TBC1D5: variants seen among roughly 807,000 people sequenced by gnomAD.
The protein encoded by TBC1D5 is TBC1 domain family, member 5.
A neutral mutation model predicts 100.3 loss-of-function variants in TBC1D5; 75 were observed. The observed-to-expected ratio is 0.75, with a 90% CI of 0.62 to 0.91. The LOEUF (loss-of-function observed/expected upper bound fraction) is 0.91. Ranked by LOEUF, TBC1D5 falls within the 40% of genes least tolerant of loss-of-function variation. The probability of loss-of-function intolerance (pLI) is 0.00; values close to 1 mark genes in which losing one functional copy is unlikely to be tolerated. For missense variants in TBC1D5, 910 were observed against 942.4 expected (o/e 0.97, Z 0.45); for synonymous variants, 323 against 325.6 (o/e 0.99, Z 0.09).
At chr3:17,435,676 A>G (rs2149460557) in intron 3 of TBC1D5, among the ~76,000 whole-genome samples, 1 of 152,356 alleles carries the variant, frequency 6.6e-6, no homozygotes, top group African/African-American at 2.4e-5. Context: ...GGGTGGGGCC[A>G]CAGCAAAATC....
chr3:17,670,659 G>A (rs886262262), intron 1 of TBC1D5, among the ~76,000 whole-genome samples: 5 of 152,186 alleles, frequency 3.3e-5, no homozygotes, highest in Non-Finnish European at 7.3e-5. Context: ...AGTTGATGTA[G>A]TTTTTAATTA....
chr3:17,582,790 AAAAACAAAAAC>A (rs1447605145), intron 2 of TBC1D5, among the ~76,000 whole-genome samples: 1 of 151,894 alleles, frequency 6.6e-6, no homozygotes, highest in Non-Finnish European at 1.5e-5. Flanking sequence ...AAAAGCAAAA[AAAAACAAAAAC>A]AAAAACAAAA....
intron 15 of TBC1D5, among the ~76,000 whole-genome samples, chr3:17,258,798 A>G (rs1044517918): frequency 6.6e-6 from 1 of 152,132 alleles, no homozygotes; most frequent in Non-Finnish European, 1.5e-5. Context: ...CCTCTCTCAT[A>G]GTTAATATTT....
intron 1 of TBC1D5, among the ~76,000 whole-genome samples, chr3:17,710,932 C>T (rs753397743): frequency 6.6e-6 from 1 of 152,088 alleles, no homozygotes; most frequent in Non-Finnish European, 1.5e-5. Context: ...CTCCTGACCT[C>T]GTGATCTGCC....
chr3:17,395,832 A>G (rs527702179), intron 8 of TBC1D5, among the ~76,000 whole-genome samples: 79 of 152,326 alleles, frequency 5.2e-4, no homozygotes, highest in Non-Finnish European at 8.5e-4. Context: ...CTCACAAATT[A>G]GAATAAATGT....
At position 17,374,622 on chromosome 3, in the gene TBC1D5, T is replaced by C. The variant is rs1210740634; in HGVS notation, c.752+7A>G. 1.1e-5 allele frequency: 18 copies of C among 1,610,910 alleles called. No individual in the cohort carries two copies. Among genetic ancestry groups the C allele is most frequent in the Non-Finnish European group, 1.4e-5 (17 of 1,179,120 alleles). On this transcript the variant is annotated splice_region_variant and intron_variant, in intron 11 of 21. Transcript: ENST00000253692. ...AAAAATAAAACAAAGAAAGTTTTTG[T>C]ACTTACTAGGCATCATGTTCCAGAT...
rs557436513 is a variant in TBC1D5 at position 17,527,282 on chromosome 3, AG to A, written c.-35-18678del. Reference sequence around the variant, plus strand: ...GAAGTGGTGATATTTGAATAAAGTGAGGGAACAAGCCACATGATAACCTGAA... The same window carrying A: ...GAAGTGGTGATATTTGAATAAAGTGAGGAACAAGCCACATGATAACCTGAA... On this transcript the variant is annotated intron_variant, in intron 2 of 21. Transcript: ENST00000253692. 2.1e-3 allele frequency among the ~76,000 whole-genome samples: 316 copies of A among 152,332 alleles called. 1 individual carries two copies. The highest frequency in any genetic ancestry group is 6.8e-3 in the Middle Eastern group (2 of 294).
intron 1 of TBC1D5, among the ~76,000 whole-genome samples, chr3:17,726,572 C>G (rs1368885289): frequency 3.3e-5 from 5 of 152,106 alleles, no homozygotes; most frequent in Non-Finnish European, 7.4e-5. Context: ...TTGTTTTTTG[C>G]TTGTTCAATT....
At chr3:17,361,070 A>G (rs1036352115) in intron 13 of TBC1D5, among the ~76,000 whole-genome samples, 1 of 152,024 alleles carries the variant, frequency 6.6e-6, no homozygotes. Flanking sequence ...TATCAAGACC[A>G]TATTGGAAAT....
rs565304263 is a variant in TBC1D5 at position 17,439,397 on chromosome 3, T to C, written c.98-10878A>G. On this transcript the variant is annotated intron_variant, in intron 3 of 21. Coordinates refer to ENST00000253692, the Ensembl canonical transcript of TBC1D5. ...CAAACATCTACTTAAAAAGCATAAATGGCATTTTTACTAAGACATTCCAAA... is the reference window on the plus strand; with the variant it reads ...CAAACATCTACTTAAAAAGCATAAACGGCATTTTTACTAAGACATTCCAAA... Among the ~76,000 whole-genome samples, 54 of 152,304 alleles carry C rather than the reference T, an allele frequency of 3.5e-4. 1 individual carries two copies. The highest frequency in any genetic ancestry group is 2.1e-3 in the Admixed American group (32 of 15,300).
chr3:17,700,965 C>G lies in TBC1D5; in HGVS notation c.-101+38378G>C, dbSNP rs573754800. On this transcript the variant is annotated intron_variant, in intron 1 of 21. Coordinates refer to ENST00000253692, the Ensembl canonical transcript of TBC1D5. ...GAACTCGAAATACCATTTGACCCAG[C>G]CATCCCATTACTAGGTATATACCCA... Among the ~76,000 whole-genome samples, 48 of 152,270 alleles carry G rather than the reference C, an allele frequency of 3.2e-4. 1 individual carries two copies. Among genetic ancestry groups the G allele is most frequent in the Admixed American group, 2.7e-3 (41 of 15,282 alleles).
chr3:17,402,451 A>T lies in TBC1D5; in HGVS notation c.509+730T>A, dbSNP rs567880250. Among the ~76,000 whole-genome samples, 10 of 152,290 alleles carry T rather than the reference A, an allele frequency of 6.6e-5. No individual in the cohort carries two copies. The South Asian group carries it at 1.5e-3, about 22-fold the overall frequency. ...GATTTATAGTTTAAAGTATAAACTT[A>T]TCTAATTTACTATTCTGACAGATAT... On this transcript the variant is annotated intron_variant, in intron 8 of 21. Transcript: ENST00000253692.
At chr3:17,467,757 C>T (rs1489704202) in intron 3 of TBC1D5, among the ~76,000 whole-genome samples, 2 of 151,822 alleles carry the variant, frequency 1.3e-5, no homozygotes, top group East Asian at 3.9e-4. Context: ...AATAACCAGG[C>T]ATGGTGGCAT....
At chr3:17,703,193 AG>A (rs1423521714) in intron 1 of TBC1D5, among the ~76,000 whole-genome samples, 1 of 152,142 alleles carries the variant, frequency 6.6e-6, no homozygotes, top group African/African-American at 2.4e-5. Flanking sequence ...ATAAAGAAAA[AG>A]AAAAATATTC....
At chr3:17,502,865 A>G (rs534748884) in intron 3 of TBC1D5, among the ~76,000 whole-genome samples, 1 of 149,708 alleles carries the variant, frequency 6.7e-6, no homozygotes, top group South Asian at 2.1e-4. Context: ...CCCCATATCC[A>G]GTCAAGTAGT....
chr3:17,551,823 T>C (rs1384129349), intron 2 of TBC1D5, among the ~76,000 whole-genome samples: 3 of 152,134 alleles, frequency 2.0e-5, no homozygotes, highest in Non-Finnish European at 4.4e-5. Context: ...TACTGAACAG[T>C]GATCAAAACA....
At chr3:17,654,038 C>G (rs1334512436) in intron 1 of TBC1D5, among the ~76,000 whole-genome samples, 1 of 152,024 alleles carries the variant, frequency 6.6e-6, no homozygotes. Context: ...TCAGTCAAGT[C>G]AGCTTAATTA....
intron 14 of TBC1D5, among the ~76,000 whole-genome samples, chr3:17,293,458 C>T (rs1318712005): frequency 6.6e-6 from 1 of 152,188 alleles, no homozygotes; most frequent in African/African-American, 2.4e-5. Flanking sequence ...TCTCATGACT[C>T]ACAGATGTAG....
rs1311570413 is a variant in TBC1D5 at position 17,508,621 on chromosome 3, A to C, written c.-35-16T>G. 8.0e-7 allele frequency: 1 copy of C among 1,243,630 alleles called. No homozygotes were observed. 77.0% of individuals were successfully genotyped at this position (1,243,630 alleles called of 1,614,324 possible). Reference sequence around the variant, plus strand: ...AAGTAACTACCTGGGAGGTGAAAAAATACAGAGAAAAATAATAAATTCTTT... The same window carrying C: ...AAGTAACTACCTGGGAGGTGAAAAACTACAGAGAAAAATAATAAATTCTTT... On this transcript the variant is annotated splice_polypyrimidine_tract_variant and intron_variant, in intron 2 of 21. Transcript: ENST00000253692.
Sources: gnomAD v4.1 joint callset for allele counts (sites outside exome capture counted in the v4.1 genomes callset) on GRCh38, gnomAD v4.1.1 for gene constraint, MANE v1.5 for transcripts, NCBI Gene and HGNC (gene_info 2026-07-23, HGNC 2026-07-21) for gene names.